SGK3: variants seen among roughly 807,000 people sequenced by gnomAD.
SGK3 encodes serum/glucocorticoid regulated kinase family member 3.
Under a neutral mutation model 68.5 loss-of-function variants are expected in SGK3, and 47 were observed. That is an observed-to-expected ratio of 0.69 (90% CI 0.54 to 0.87). The LOEUF (loss-of-function observed/expected upper bound fraction) is 0.87, where lower values mean the gene tolerates loss of function less well. Ranked by LOEUF, SGK3 falls within the 40% of genes least tolerant of loss-of-function variation. The pLI, the probability that SGK3 is intolerant of heterozygous loss-of-function variation, is 0.00. For synonymous variants in SGK3, 181 were observed against 189.1 expected (o/e 0.96, Z 0.35); for missense variants, 479 against 575.5 (o/e 0.83, Z 1.72).
chr8:66,818,674 A>G (rs1321243494), intron 5 of SGK3, among the ~76,000 whole-genome samples: 1 of 152,180 alleles, frequency 6.6e-6, no homozygotes, highest in African/African-American at 2.4e-5. Flanking sequence ...GAATCATACA[A>G]TATGTGTTAT....
chr8:66,837,128 C>T (rs1809569758), intron 10 of SGK3, among the ~76,000 whole-genome samples: 2 of 152,120 alleles, frequency 1.3e-5, no homozygotes, highest in South Asian at 2.1e-4. Context: ...AGCTAGGTAG[C>T]TTGTAGAAGT....
chr8:66,814,739 A>G (rs1390424064), intron 5 of SGK3, among the ~76,000 whole-genome samples: 1 of 152,220 alleles, frequency 6.6e-6, no homozygotes, highest in African/African-American at 2.4e-5. Flanking sequence ...TCATGCGGAC[A>G]GGTTTAAACT....
chr8:66,856,858 C>T (rs924847824), intron 16 of SGK3, among the ~76,000 whole-genome samples: 6 of 152,024 alleles, frequency 3.9e-5, no homozygotes, highest in South Asian at 2.1e-4. Flanking sequence ...TTTGAGAGGC[C>T]GAGACGGGCA....
At chr8:66,806,204 C>T (rs552954955) in intron 4 of SGK3, among the ~76,000 whole-genome samples, 3 of 150,620 alleles carry the variant, frequency 2.0e-5, no homozygotes, top group South Asian at 2.1e-4. Context: ...TCTTTTTTTT[C>T]CCCCCTTGGG....
chr8:66,834,357 ATC>A (rs2130705018), intron 8 of SGK3, among the ~76,000 whole-genome samples: 1 of 152,330 alleles, frequency 6.6e-6, no homozygotes, highest in South Asian at 2.1e-4. Context: ...GGCAAAAGTT[ATC>A]TGTGTTATTT....
chr8:66,740,692 A>C (rs1805452558), intron 1 of SGK3, among the ~76,000 whole-genome samples: 1 of 152,186 alleles, frequency 6.6e-6, no homozygotes, highest in Non-Finnish European at 1.5e-5. Context: ...GGATCACCTG[A>C]GGTCAGGAGG....
chr8:66,804,370 T>G lies in SGK3; in HGVS notation c.181-5T>G. Reference sequence around the variant, plus strand: ...TTCATATAATGTTATTTTTAAAAATTTTAGTTAAAAAAACAGTTTCCTGCT... The same window carrying G: ...TTCATATAATGTTATTTTTAAAAATGTTAGTTAAAAAAACAGTTTCCTGCT... On this transcript the variant is annotated splice_polypyrimidine_tract_variant and splice_region_variant and intron_variant, in intron 3 of 16. Coordinates refer to ENST00000521198, the MANE Select transcript of SGK3 (RefSeq NM_001033578.3). The G allele has an allele frequency of 6.2e-7, 1 of 1,605,156 alleles. No homozygotes were observed. The highest frequency in any genetic ancestry group is 2.2e-5 in the East Asian group (1 of 44,674).
chr8:66,811,987 A>G (rs1808398701), intron 4 of SGK3, among the ~76,000 whole-genome samples: 1 of 152,218 alleles, frequency 6.6e-6, no homozygotes, highest in Non-Finnish European at 1.5e-5. Flanking sequence ...AGAAAAAAGT[A>G]CCAAGTACAT....
intron 8 of SGK3, among the ~76,000 whole-genome samples, chr8:66,832,499 G>A (rs1394101705): frequency 6.6e-6 from 1 of 152,120 alleles, no homozygotes; most frequent in Non-Finnish European, 1.5e-5. Flanking sequence ...GCTACATGCT[G>A]AGTATTGTGC....
chr8:66,824,920 T>C (rs1475110196), intron 6 of SGK3, among the ~76,000 whole-genome samples: 1 of 152,234 alleles, frequency 6.6e-6, no homozygotes, highest in Non-Finnish European at 1.5e-5. Flanking sequence ...GGTTATGGAT[T>C]TTAAAAAACC....
chr8:66,836,047 T>C lies in SGK3; in HGVS notation c.714T>C (p.Phe238=). 6.2e-7 allele frequency: 1 copy of C among 1,613,352 alleles called. No homozygotes were observed. The part of the protein sequence containing the change: ...YSFQTTEKLY[F]VLDFVNGGEL... ...TCCAAACAACTGAAAAGCTTTATTT[T>C]GTTCTGGATTTTGTTAATGGAGGGG... is the stretch of plus-strand genomic sequence containing the variant. Residue 238 remains phenylalanine (F), a synonymous_variant, in exon 10 of 17, where the codon TTT becomes TTC. Transcript: ENST00000521198.
At chr8:66,731,305 A>G (rs528469675) in intron 1 of SGK3, among the ~76,000 whole-genome samples, 6 of 152,232 alleles carry the variant, frequency 3.9e-5, no homozygotes, top group Admixed American at 3.9e-4. Context: ...GTTGGTTTAT[A>G]GTGTTGTTCA....
intron 1 of SGK3, among the ~76,000 whole-genome samples, chr8:66,717,275 A>G (rs1804664406): frequency 6.6e-6 from 1 of 151,790 alleles, no homozygotes; most frequent in South Asian, 2.1e-4. Flanking sequence ...CACGCCTATA[A>G]TCCCAGCATT....
intron 1 of SGK3, among the ~76,000 whole-genome samples, chr8:66,745,106 A>G (rs75284526): frequency 0.03 from 4,579 of 151,986 alleles, 242 homozygotes; most frequent in African/African-American, 0.1. Flanking sequence ...CTTTTAATAG[A>G]CAAAACCCAT....
intron 1 of SGK3, among the ~76,000 whole-genome samples, chr8:66,744,773 T>C (rs1476157917): frequency 6.6e-6 from 1 of 150,624 alleles, no homozygotes. Context: ...CGCAGTGTGC[T>C]GGGATTACAG....
chr8:66,784,305 C>A (rs554058888), intron 1 of SGK3, among the ~76,000 whole-genome samples: 1 of 152,174 alleles, frequency 6.6e-6, no homozygotes, highest in Admixed American at 6.5e-5. Context: ...GTACCCTGTT[C>A]CCCTGCTGAG....
rs543697596 is a variant in SGK3, at chr8:66,738,017, A to G, written c.-122+25184A>G. On this transcript the variant is annotated intron_variant, in intron 1 of 16. Coordinates refer to ENST00000521198, the MANE Select transcript of SGK3 (RefSeq NM_001033578.3). The stretch of plus-strand genomic sequence containing the variant: ...ACCCTGCAGGTAGTTCAAATTCAAC[A>G]TTTATAAAACAAAATATATTGTCTC... Among the ~76,000 whole-genome samples, 8 of 151,892 alleles carry G rather than the reference A, an allele frequency of 5.3e-5. No individual in the cohort carries two copies. The South Asian group carries it at 1.7e-3, about 32-fold the overall frequency.
chr8:66,729,735 T>TTATATTTATTTATTTATTTATTTATTTA (rs149985419), intron 1 of SGK3, among the ~76,000 whole-genome samples: 9 of 150,908 alleles, frequency 6.0e-5, no homozygotes, highest in African/African-American at 2.2e-4. Flanking sequence ...ATTTATTTAT[T>TTATATTTATTTATTTATTTATTTATTTA]TTTATTTATT....
At chr8:66,727,848 A>G (rs1003782420) in intron 1 of SGK3, among the ~76,000 whole-genome samples, 10 of 152,236 alleles carry the variant, frequency 6.6e-5, no homozygotes, top group African/African-American at 2.4e-4. Context: ...ACTAAGACAG[A>G]TGGTGAGAAA....
Sources: gnomAD v4.1 joint callset for allele counts (sites outside exome capture counted in the v4.1 genomes callset) on GRCh38, gnomAD v4.1.1 for gene constraint, MANE v1.5 for transcripts, NCBI Gene and HGNC (gene_info 2026-07-23, HGNC 2026-07-21) for gene names.